SPTBN1: variants seen among roughly 807,000 people sequenced by gnomAD.
SPTBN1 encodes spectrin beta chain, non-erythrocytic 1.
SPTBN1 carries 32 observed loss-of-function variants against 266.4 expected under a neutral mutation model. That is an observed-to-expected ratio of 0.12 (90% CI 0.09 to 0.16). The LOEUF (loss-of-function observed/expected upper bound fraction) is 0.16, where lower values mean the gene tolerates loss of function less well. Among genes scored for constraint, SPTBN1 ranks in the 10% least tolerant of loss-of-function variants. The pLI, the probability that SPTBN1 is intolerant of heterozygous loss-of-function variation, is 1.00. For synonymous variants in SPTBN1, 1,336 were observed against 1,162.2 expected (o/e 1.15, Z -3.04); for missense variants, 2,296 against 3,067.1 (o/e 0.75, Z 5.94).
At chr2:54,659,086 C>G (rs1437700267) in intron 30 of SPTBN1, 68 bp from the exon 31 acceptor site, 21 of 1,565,708 alleles carry the variant, frequency 1.3e-5, no homozygotes, top group Non-Finnish European at 1.8e-5. Flanking sequence ...TTCCTGGGTT[C>G]CTAGAACCTT....
chr2:54,645,846 C>T lies in SPTBN1; in HGVS notation c.4495-82C>T. 1.4e-6 allele frequency: 2 copies of T among 1,463,204 alleles called. No homozygotes were observed. Among genetic ancestry groups the T allele is most frequent in the East Asian group, 2.3e-5 (1 of 43,880 alleles). The allele number at this position is 1,463,204 out of a possible 1,614,324, so 90.6% of individuals were successfully genotyped here. A position where few individuals can be genotyped will look rare whatever the true frequency, so the allele number is the denominator to read the frequency against. The stretch of plus-strand genomic sequence containing the variant: ...CTCTCTGAAGCTCACCCTTGCTGTC[C>T]CTCACTGCCCCTCACTGCTCGTTTG... On this transcript the variant is annotated intron_variant, in intron 21 of 35. Coordinates refer to ENST00000356805, the MANE Select transcript of SPTBN1 (RefSeq NM_003128.3). The surrounding 1 kb of genome is among the most constrained non-coding windows in gnomAD (Gnocchi z 4.3).
chr2:54,643,658 C>T (rs1363068603), intron 19 of SPTBN1, among the ~76,000 whole-genome samples: 1 of 152,004 alleles, frequency 6.6e-6, no homozygotes, highest in Non-Finnish European at 1.5e-5. Context: ...TCCTTTTAGA[C>T]TTTTTATAGT....
chr2:54,573,263 T>C (rs1446723311), intron 2 of SPTBN1, among the ~76,000 whole-genome samples: 1 of 152,106 alleles, frequency 6.6e-6, no homozygotes, highest in Non-Finnish European at 1.5e-5. Context: ...TAGAAGACAA[T>C]TTTTCCACAG....
At chr2:54,619,932 C>T (rs943606773) in intron 7 of SPTBN1, among the ~76,000 whole-genome samples, 24 of 152,136 alleles carry the variant, frequency 1.6e-4, no homozygotes, top group South Asian at 6.2e-4. Context: ...CTGTCAGGGG[C>T]GGCGATAGGA....
At position 54,649,730 on chromosome 2, in the gene SPTBN1, C is replaced by T. The variant is rs1680148041; in HGVS notation, c.5318C>T (p.Ala1773Val). The change falls in exon 26 of 36, where the codon GCC becomes GTC. Residue 1773 changes from alanine (A) to valine (V), a missense_variant. Physicochemically the swap from Ala to Val is moderately conservative, Grantham distance 64. This residue lies in a region of SPTBN1 where 644 missense variants were observed against 745.3 expected (regional missense o/e 0.86). Coordinates refer to ENST00000356805, the MANE Select transcript of SPTBN1 (RefSeq NM_003128.3). The surrounding 1 kb of genome is among the most constrained non-coding windows in gnomAD (Gnocchi z 6.7). Reference protein sequence around the residue: ...DELINSGHSDAATIAEWKDGL... With the variant: ...DELINSGHSDVATIAEWKDGL... Reference sequence around the variant, plus strand: ...CTCATCAACTCTGGACATTCAGATGCCGCCACCATCGCTGAATGGAAGGAT... The same window carrying T: ...CTCATCAACTCTGGACATTCAGATGTCGCCACCATCGCTGAATGGAAGGAT... The T allele has an allele frequency of 1.2e-6, 2 of 1,614,060 alleles. No homozygotes were observed. The highest frequency in any genetic ancestry group is 8.5e-7 in the Non-Finnish European group (1 of 1,180,046).
chr2:54,496,768 G>A (rs927948169), intron 1 of SPTBN1, among the ~76,000 whole-genome samples: 1 of 152,206 alleles, frequency 6.6e-6, no homozygotes, highest in African/African-American at 2.4e-5. Flanking sequence ...CGCTGATTAA[G>A]GTAGAAGGAA....
intron 3 of SPTBN1, among the ~76,000 whole-genome samples, chr2:54,609,825 C>G (rs995019221): frequency 6.6e-6 from 1 of 152,096 alleles, no homozygotes; most frequent in African/African-American, 2.4e-5. Flanking sequence ...TTGTCATTGT[C>G]CAGGCCTTCT....
At chr2:54,625,038 G>A in intron 11 of SPTBN1, 76 bp downstream of exon 11, 1 of 1,482,130 alleles carries the variant, frequency 6.7e-7, no homozygotes. Flanking sequence ...GGGGCATAGG[G>A]CCAGAGGACA....
At chr2:54,640,300 C>G (rs1389562356) in intron 18 of SPTBN1, among the ~76,000 whole-genome samples, 1 of 152,060 alleles carries the variant, frequency 6.6e-6, no homozygotes, top group Non-Finnish European at 1.5e-5. Flanking sequence ...TGGTATTGTT[C>G]AAGGTATGGG....
At chr2:54,594,432 A>G (rs988665980) in intron 2 of SPTBN1, among the ~76,000 whole-genome samples, 1 of 152,208 alleles carries the variant, frequency 6.6e-6, no homozygotes, top group African/African-American at 2.4e-5. Context: ...GAGATGATCT[A>G]AAGTATACAG....
chr2:54,513,358 T>C (rs777374628), intron 1 of SPTBN1, among the ~76,000 whole-genome samples: 1 of 152,220 alleles, frequency 6.6e-6, no homozygotes, highest in South Asian at 2.1e-4. Flanking sequence ...AATTGAGATA[T>C]GCATTTCCAC....
In SPTBN1 at chr2:54,646,058, T is replaced by G; in HGVS notation, c.4584+41T>G. On this transcript the variant is annotated intron_variant, in intron 22 of 35. Transcript: ENST00000356805. This position sits in a 1 kb window ranked among gnomAD's most constrained non-coding sequence, Gnocchi z 4.4. Reference sequence around the variant, plus strand: ...CGAGCTAGTTCTGTCTGATAAATAATTGCTCTAAATTATGAGACTGGGAAT... The same window carrying G: ...CGAGCTAGTTCTGTCTGATAAATAAGTGCTCTAAATTATGAGACTGGGAAT... The G allele has an allele frequency of 6.2e-7, 1 of 1,613,456 alleles. No homozygotes were observed. The highest frequency in any genetic ancestry group is 8.5e-7 in the Non-Finnish European group (1 of 1,179,498).
At position 54,554,969 on chromosome 2, in the gene SPTBN1, T is replaced by A. The variant is rs1321247888; in HGVS notation, c.148+28403T>A. Among the ~76,000 whole-genome samples, 1 of 152,230 alleles carries A rather than the reference T, an allele frequency of 6.6e-6. No homozygotes were observed. Among genetic ancestry groups the A allele is most frequent in the East Asian group, 1.9e-4 (1 of 5,204 alleles). On this transcript the variant is annotated intron_variant, in intron 2 of 35. Transcript: ENST00000356805. This position sits in a 1 kb window ranked among gnomAD's most constrained non-coding sequence, Gnocchi z 4.5. ...ATTTTCTAACTCCCTGTAACCCAGCTTTTGCTTTTATTAACCCAGTTGACC... is the reference window on the plus strand; with the variant it reads ...ATTTTCTAACTCCCTGTAACCCAGCATTTGCTTTTATTAACCCAGTTGACC...
chr2:54,586,392 A>C (rs1046208520), intron 2 of SPTBN1, among the ~76,000 whole-genome samples: 1 of 152,212 alleles, frequency 6.6e-6, no homozygotes, highest in African/African-American at 2.4e-5. Context: ...ATTTATGTTC[A>C]TTTATTTTTA....
chr2:54,608,391 G>A (rs924664613), intron 3 of SPTBN1, among the ~76,000 whole-genome samples: 2 of 152,224 alleles, frequency 1.3e-5, no homozygotes, highest in Non-Finnish European at 2.9e-5. Flanking sequence ...AAATGGGAAT[G>A]TCTCCGGGAA....
intron 1 of SPTBN1, among the ~76,000 whole-genome samples, chr2:54,487,484 T>G (rs1668461134): frequency 6.6e-6 from 1 of 152,040 alleles, no homozygotes; most frequent in Non-Finnish European, 1.5e-5. Context: ...TTGCACAACT[T>G]AAGAAATACC....
At chr2:54,466,904 T>C (rs2103830527) in intron 1 of SPTBN1, among the ~76,000 whole-genome samples, 1 of 152,330 alleles carries the variant, frequency 6.6e-6, no homozygotes, top group East Asian at 1.9e-4. Flanking sequence ...ACACTGAAAT[T>C]TTTGAAAGAT....
intron 1 of SPTBN1, among the ~76,000 whole-genome samples, chr2:54,496,862 T>A (rs1338491711): frequency 6.6e-6 from 1 of 152,190 alleles, no homozygotes; most frequent in Non-Finnish European, 1.5e-5. Flanking sequence ...CCTATGAAGA[T>A]AATTGGACAA....
intron 1 of SPTBN1, among the ~76,000 whole-genome samples, chr2:54,478,505 G>A (rs1011193320): frequency 4.6e-5 from 7 of 152,122 alleles, no homozygotes; most frequent in African/African-American, 1.4e-4. Context: ...GGTCTGGGCC[G>A]AACCCTGTAG....
Sources: allele counts gnomAD v4.1 joint callset (sites outside exome capture counted in the v4.1 genomes callset), GRCh38; gene constraint gnomAD v4.1.1; regional missense constraint gnomAD v4.1.1; non-coding constraint Gnocchi (gnomAD v3.1); transcripts MANE v1.5; gene names NCBI Gene and HGNC (gene_info 2026-07-23, HGNC 2026-07-21).